The following TFG variants were observed in gnomAD, a reference collection of about 807,000 sequenced individuals.
TFG encodes protein TFG.
In TFG, 22 loss-of-function variants were observed where a neutral mutation model predicts 51.4. That is an observed-to-expected ratio of 0.43 (90% CI 0.31 to 0.61). The LOEUF (loss-of-function observed/expected upper bound fraction) is 0.61. TFG is among the 20% of genes least tolerant of loss of function. The pLI is 0.12. For missense variants in TFG, 419 were observed against 487.7 expected (o/e 0.86, Z 1.33); for synonymous variants, 187 against 165.6 (o/e 1.13, Z -0.99).
chr3:100,734,823 T>C (rs2095102160), intron 5 of TFG, among the ~76,000 whole-genome samples: 1 of 152,192 alleles, frequency 6.6e-6, no homozygotes, highest in Non-Finnish European at 1.5e-5. Context: ...TAGAATAATA[T>C]TAATATGATT....
chr3:100,713,834 G>A lies in TFG; in HGVS notation c.149G>A (p.Ser50Asn). 1 of 1,570,266 alleles carries A rather than the reference G, an allele frequency of 6.4e-7. No individual in the cohort carries two copies. Among genetic ancestry groups the A allele is most frequent in the Non-Finnish European group, 8.7e-7 (1 of 1,150,946 alleles). Residue 50 changes from serine to asparagine, a missense_variant, in exon 2 of 8, where the codon AGT becomes AAT. Around this residue, in one of 3 missense-constraint regions of TFG, gnomAD observed 391 missense variants for 434.4 expected, o/e 0.90. Coordinates refer to ENST00000240851, the MANE Select transcript of TFG (RefSeq NM_006070.6). ...MQRVFRGKLL[S>N]NDEVTIKYKD... The stretch of plus-strand genomic sequence containing the variant: ...CGAGTTTTCAGAGGAAAACTTCTGA[G>A]TAATGATGAAGTAACAATAAAGTAT...
intron 3 of TFG, among the ~76,000 whole-genome samples, chr3:100,728,241 A>G (rs1173262761): frequency 1.3e-5 from 2 of 152,076 alleles, no homozygotes; most frequent in Admixed American, 6.5e-5. Context: ...CAGTCATGTT[A>G]TATCTTTAAA....
intron 3 of TFG, among the ~76,000 whole-genome samples, chr3:100,726,447 G>C (rs1425669091): frequency 6.6e-6 from 1 of 152,118 alleles, no homozygotes; most frequent in Non-Finnish European, 1.5e-5. Context: ...TACTTTACCA[G>C]CCATCTAGGC....
chr3:100,735,444 G>A (rs866291161), intron 5 of TFG, among the ~76,000 whole-genome samples: 9 of 152,166 alleles, frequency 5.9e-5, no homozygotes, highest in African/African-American at 2.2e-4. Context: ...ATAAGCTCTT[G>A]TAAACTCATA....
intron 6 of TFG, chr3:100,742,598 T>C (rs3087787): frequency 6.6e-6 from 1 of 151,780 alleles, no homozygotes; most frequent in Non-Finnish European, 1.5e-5. Context: ...CATTTAGACA[T>C]GCTAAGTAAC....
At chr3:100,746,431 C>A (rs1164641417) in intron 7 of TFG, among the ~76,000 whole-genome samples, 1 of 152,060 alleles carries the variant, frequency 6.6e-6, no homozygotes, top group African/African-American at 2.4e-5. Context: ...TTCAGTATTT[C>A]CCTGTATCAT....
chr3:100,743,616 A>T (rs1029523630), intron 6 of TFG: 1 of 152,150 alleles, frequency 6.6e-6, no homozygotes, highest in African/African-American at 2.4e-5. Context: ...TTATAAAGAA[A>T]CATTTGCTAG....
rs1338146223 is a variant in TFG at position 100,732,805 on chromosome 3, A to C, written c.580+133A>C. Reference sequence around the variant, plus strand: ...AAATCTTAAGGGTTCTGCTTAACAAATTTTTACATATGTGTACACTTATGT... The same window carrying C: ...AAATCTTAAGGGTTCTGCTTAACAACTTTTTACATATGTGTACACTTATGT... On this transcript the variant is annotated intron_variant, in intron 5 of 7. Transcript: ENST00000240851. 2.5e-5 allele frequency: 17 copies of C among 693,704 alleles called. No individual in the cohort carries two copies. The Admixed American group carries it at 5.2e-4, about 21-fold the overall frequency. The allele number at this position is 693,704 out of a possible 1,614,324, so 43.0% of individuals were successfully genotyped here.
chr3:100,741,671 C>G (rs2095121625), intron 6 of TFG, among the ~76,000 whole-genome samples: 1 of 152,166 alleles, frequency 6.6e-6, no homozygotes, highest in African/African-American at 2.4e-5. Context: ...CACATTCACT[C>G]AACACAAGTA....
chr3:100,732,129 T>C (rs951115824), intron 4 of TFG, among the ~76,000 whole-genome samples: 1 of 152,144 alleles, frequency 6.6e-6, no homozygotes, highest in African/African-American at 2.4e-5. Flanking sequence ...CCTATAATTA[T>C]TATTTCCAGA....
chr3:100,726,965 G>T (rs2095077701), intron 3 of TFG, among the ~76,000 whole-genome samples: 2 of 152,182 alleles, frequency 1.3e-5, no homozygotes, highest in African/African-American at 4.8e-5. Flanking sequence ...AATGAATTGA[G>T]GCTAAAGCTG....
chr3:100,712,771 C>G (rs543727804), intron 1 of TFG, among the ~76,000 whole-genome samples: 3 of 152,142 alleles, frequency 2.0e-5, no homozygotes, highest in African/African-American at 7.2e-5. Flanking sequence ...AAAAATAAAG[C>G]AGGATAAGAA....
chr3:100,709,596 G>C lies in TFG; in HGVS notation c.-169G>C, dbSNP rs997018164. 1 of 151,756 alleles carries C rather than the reference G, an allele frequency of 6.6e-6. No homozygotes were observed. Among genetic ancestry groups the C allele is most frequent in the Non-Finnish European group, 1.5e-5 (1 of 67,922 alleles). 9.4% of individuals were successfully genotyped at this position (151,756 alleles called of 1,614,324 possible). A position where few individuals can be genotyped will look rare whatever the true frequency, so the allele number is the denominator to read the frequency against. Reference sequence around the variant, plus strand: ...CGCGAGCCTGCGAGCGAGGTGCGGCGGTCGCGAAGGGCAACCGAGGGGGCC... The same window carrying C: ...CGCGAGCCTGCGAGCGAGGTGCGGCCGTCGCGAAGGGCAACCGAGGGGGCC... On this transcript the variant is annotated 5_prime_UTR_variant, in exon 1 of 8. Transcript: ENST00000240851.
intron 2 of TFG, among the ~76,000 whole-genome samples, chr3:100,716,770 A>G (rs1484090362): frequency 6.6e-6 from 1 of 151,950 alleles, no homozygotes; most frequent in Non-Finnish European, 1.5e-5. Flanking sequence ...TTTTCCTGAT[A>G]TGTGTGCATT....
At chr3:100,731,143 T>A (rs1057036761) in intron 4 of TFG, among the ~76,000 whole-genome samples, 9 of 152,204 alleles carry the variant, frequency 5.9e-5, no homozygotes, top group African/African-American at 2.2e-4. Context: ...TTGTATTGAT[T>A]ACAGGGGTGA....
chr3:100,747,934 A>G (rs1442127907), intron 7 of TFG, among the ~76,000 whole-genome samples: 1 of 152,062 alleles, frequency 6.6e-6, no homozygotes, highest in East Asian at 1.9e-4. Context: ...GCTCTCAGGG[A>G]TTATGTCTTA....
intron 2 of TFG, among the ~76,000 whole-genome samples, chr3:100,718,432 C>T (rs1180769945): frequency 6.6e-6 from 1 of 151,976 alleles, no homozygotes. Flanking sequence ...ATTTTTCATT[C>T]ACAGACCTAT....
chr3:100,714,495 G>A (rs1296565013), intron 2 of TFG, among the ~76,000 whole-genome samples: 10 of 149,312 alleles, frequency 6.7e-5, no homozygotes, highest in Non-Finnish European at 8.9e-5. Context: ...GCAAGACTCC[G>A]TCTCAAAAAA....
chr3:100,726,158 G>A (rs1051844981), intron 3 of TFG, among the ~76,000 whole-genome samples: 2 of 152,206 alleles, frequency 1.3e-5, no homozygotes, highest in Admixed American at 1.3e-4. Flanking sequence ...CCCCTGGGAA[G>A]CTGCTGGTAC....
Sources: allele counts gnomAD v4.1 joint callset (sites outside exome capture counted in the v4.1 genomes callset), GRCh38; gene constraint gnomAD v4.1.1; regional missense constraint gnomAD v4.1.1; transcripts MANE v1.5; gene names NCBI Gene and HGNC (gene_info 2026-07-23, HGNC 2026-07-21).